Variants in CELF4 observed in about 807,000 individuals in gnomAD.
The protein encoded by CELF4 is CUGBP Elav-like family member 4.
CELF4 carries 18 observed loss-of-function variants against 59.9 expected under a neutral mutation model. That is an observed-to-expected ratio of 0.30 (90% CI 0.21 to 0.45). The LOEUF (loss-of-function observed/expected upper bound fraction) is 0.45. Ranked by LOEUF, CELF4 falls within the 20% of genes least tolerant of loss-of-function variation. The pLI, the probability that CELF4 is intolerant of heterozygous loss-of-function variation, is 1.00. For missense variants in CELF4, 456 were observed against 689.0 expected (o/e 0.66, Z 3.79); for synonymous variants, 261 against 267.1 (o/e 0.98, Z 0.22).
chr18:37,533,450 G>A (rs951866900), intron 1 of CELF4, among the ~76,000 whole-genome samples: 1 of 152,134 alleles, frequency 6.6e-6, no homozygotes, highest in African/African-American at 2.4e-5. Context: ...TTTGAGTGGG[G>A]GCCCTTCTGA....
chr18:37,308,099 C>G (rs966342201), intron 3 of CELF4, among the ~76,000 whole-genome samples: 1 of 152,052 alleles, frequency 6.6e-6, no homozygotes, highest in South Asian at 2.1e-4. Context: ...TCTCCTGCCC[C>G]CTGCCCAACC....
At chr18:37,546,164 G>C (rs1384051732) in intron 1 of CELF4, among the ~76,000 whole-genome samples, 1 of 152,188 alleles carries the variant, frequency 6.6e-6, no homozygotes, top group African/African-American at 2.4e-5. Flanking sequence ...AGAAACTGTA[G>C]TCATAGACGT....
chr18:37,479,609 A>G (rs2099860690), intron 2 of CELF4, among the ~76,000 whole-genome samples: 1 of 152,236 alleles, frequency 6.6e-6, no homozygotes, highest in South Asian at 2.1e-4. Flanking sequence ...CCAAAGAGAA[A>G]GAAAAAAGCA....
chr18:37,490,391 AT>A (rs1167556800), intron 1 of CELF4, among the ~76,000 whole-genome samples: 1 of 152,156 alleles, frequency 6.6e-6, no homozygotes, highest in Non-Finnish European at 1.5e-5. Context: ...GAAAAAAAAA[AT>A]CTTTACTAAA....
At chr18:37,356,568 A>T (rs924992488) in intron 2 of CELF4, among the ~76,000 whole-genome samples, 1 of 148,014 alleles carries the variant, frequency 6.8e-6, no homozygotes, top group Non-Finnish European at 1.5e-5. Flanking sequence ...AGGTGCAGAG[A>T]GTAAAGAGGG....
At chr18:37,521,310 G>T (rs183849978) in intron 1 of CELF4, among the ~76,000 whole-genome samples, 416 of 152,248 alleles carry the variant, frequency 2.7e-3, no homozygotes, top group Non-Finnish European at 5.1e-3. Flanking sequence ...ATGGAGAACT[G>T]TGGCAAGTAA....
At position 37,275,186 on chromosome 18, in the gene CELF4, C is replaced by T. The variant is rs774068000; in HGVS notation, c.506G>A (p.Arg169His). The change falls in exon 4 of 13, where the codon CGC (arginine) becomes CAC (histidine). Residue 169 changes from arginine (R) to histidine (H), a missense_variant. Coordinates refer to ENST00000420428, the MANE Select transcript of CELF4 (RefSeq NM_020180.4). ...LNKQQSEDDV[R>H]RLFEAFGNIE... Reference sequence around the variant, plus strand: ...GTTCCCAAAGGCCTCGAAAAGGCGGCGCACGTCGTCCTCGGACTGTTGCTT... The same window carrying T: ...GTTCCCAAAGGCCTCGAAAAGGCGGTGCACGTCGTCCTCGGACTGTTGCTT... The T allele has an allele frequency of 1.2e-6, 2 of 1,613,680 alleles. No homozygotes were observed. Among genetic ancestry groups the T allele is most frequent in the Non-Finnish European group, 1.7e-6 (2 of 1,179,890 alleles).
chr18:37,427,804 C>A (rs893346837), intron 2 of CELF4, among the ~76,000 whole-genome samples: 5 of 152,342 alleles, frequency 3.3e-5, no homozygotes, highest in Non-Finnish European at 5.9e-5. Context: ...GGCCTCCAGT[C>A]CTGCAGAGTT....
intron 2 of CELF4, among the ~76,000 whole-genome samples, chr18:37,448,504 G>A (rs1232319864): frequency 2.6e-5 from 4 of 152,212 alleles, no homozygotes; most frequent in Admixed American, 6.5e-5. Flanking sequence ...TCAGTGCCAC[G>A]GCAGGGCATG....
chr18:37,400,587 A>G (rs1203491148), intron 2 of CELF4, among the ~76,000 whole-genome samples: 1 of 152,212 alleles, frequency 6.6e-6, no homozygotes, highest in Non-Finnish European at 1.5e-5. Flanking sequence ...TTCAAACCAT[A>G]TATTGGAGCA....
At chr18:37,563,574 G>T (rs141748573) in intron 1 of CELF4, among the ~76,000 whole-genome samples, 1 of 152,186 alleles carries the variant, frequency 6.6e-6, no homozygotes, top group African/African-American at 2.4e-5. Flanking sequence ...TGAGAGGGAG[G>T]GGGGGAAAAA....
At chr18:37,278,397 G>T (rs1027280895) in intron 3 of CELF4, among the ~76,000 whole-genome samples, 1 of 152,248 alleles carries the variant, frequency 6.6e-6, no homozygotes, top group Non-Finnish European at 1.5e-5. Flanking sequence ...CCGTCCTCCA[G>T]TTGGGTATTG....
intron 2 of CELF4, among the ~76,000 whole-genome samples, chr18:37,353,273 G>A (rs994372130): frequency 1.5e-4 from 23 of 148,630 alleles, no homozygotes; most frequent in Non-Finnish European, 5.9e-5. Context: ...TTTCTTGGGG[G>A]GCTTAGGGAC....
At chr18:37,331,161 G>C (rs537727501) in intron 2 of CELF4, among the ~76,000 whole-genome samples, 1 of 152,264 alleles carries the variant, frequency 6.6e-6, no homozygotes, top group South Asian at 2.1e-4. Flanking sequence ...GCCTGGGCGG[G>C]GCTGGCTGTC....
chr18:37,469,959 C>T (rs1603641988), intron 2 of CELF4, among the ~76,000 whole-genome samples: 1 of 152,252 alleles, frequency 6.6e-6, no homozygotes, highest in Middle Eastern at 3.4e-3. Context: ...AGGACAGCCC[C>T]CAGTGAATCC....
At chr18:37,324,435 G>A (rs115699252) in intron 2 of CELF4, among the ~76,000 whole-genome samples, 2 of 152,166 alleles carry the variant, frequency 1.3e-5, no homozygotes, top group Non-Finnish European at 2.9e-5. Context: ...CGAGAAGGCC[G>A]CCATCTTCAA....
At chr18:37,441,506 T>C (rs946455347) in intron 2 of CELF4, among the ~76,000 whole-genome samples, 2 of 152,102 alleles carry the variant, frequency 1.3e-5, no homozygotes, top group African/African-American at 4.8e-5. Flanking sequence ...GGGAAGATAT[T>C]ATTTACAGTA....
intron 1 of CELF4, among the ~76,000 whole-genome samples, chr18:37,499,636 C>G (rs956289889): frequency 8.5e-5 from 13 of 152,236 alleles, no homozygotes; most frequent in Non-Finnish European, 1.8e-4. Flanking sequence ...CTCTGCATGC[C>G]TCTTGTCTGC....
intron 2 of CELF4, among the ~76,000 whole-genome samples, chr18:37,343,329 CTGTGTGTGTGTGTGTGTGTGTG>C (rs5824051): frequency 2.4e-5 from 3 of 127,050 alleles, no homozygotes; most frequent in Non-Finnish European, 3.3e-5. Context: ...GGTGTTGATT[CTGTGTGTGTGTGTGTGTGTGTG>C]TGTGTGTGTG....
Sources: gnomAD v4.1 joint callset for allele counts (sites outside exome capture counted in the v4.1 genomes callset) on GRCh38, gnomAD v4.1.1 for gene constraint, MANE v1.5 for transcripts, NCBI Gene and HGNC (gene_info 2026-07-23, HGNC 2026-07-21) for gene names.